MEI1: variants seen among roughly 807,000 people sequenced by gnomAD.
The protein encoded by MEI1 is meiosis inhibitor protein 1.
In MEI1, 103 loss-of-function variants were observed where a neutral mutation model predicts 146.2. The observed-to-expected ratio is 0.70, with a 90% CI of 0.60 to 0.83. MEI1 has a LOEUF of 0.83. Among genes scored for constraint, MEI1 ranks in the 40% least tolerant of loss-of-function variants. The pLI is 0.00. For missense variants in MEI1, 1,529 were observed against 1,533.0 expected (o/e 1.00, Z 0.04); for synonymous variants, 652 against 628.2 (o/e 1.04, Z -0.57).
intron 30 of MEI1, among the ~76,000 whole-genome samples, chr22:41,798,112 G>GC (rs2076425613): frequency 2.2e-5 from 3 of 135,978 alleles, no homozygotes; most frequent in Admixed American, 7.1e-5. Flanking sequence ...GTGATCCTCA[G>GC]CCCAACACAC....
rs201371126 is a variant in MEI1 at position 41,718,108 on chromosome 22, C to G, written c.567C>G (p.Tyr189Ter). The G allele has an allele frequency of 6.2e-7, 1 of 1,613,198 alleles. No individual in the cohort carries two copies. The highest frequency in any genetic ancestry group is 1.3e-5 in the African/African-American group (1 of 75,014). Residue 189 changes from tyrosine to a stop codon, truncating the protein, a stop_gained, in exon 6 of 31, where the codon TAC becomes TAG. Coordinates refer to ENST00000401548, the MANE Select transcript of MEI1 (RefSeq NM_152513.4). LOFTEE classifies it high-confidence loss of function. The stretch of plus-strand genomic sequence containing the variant: ...AGCATCTGTTGAGAGGCTTAGTATA[C>G]CCCAGTGAGGGCATACAAGCTTCTG... ...LMEHLLRGLV[Y>*]PSEGIQASVC...
rs770227541 is a variant in MEI1, at chr22:41,730,585, G to T, written c.1044G>T (p.Leu348Phe). Residue 348 changes from leucine to phenylalanine, a missense_variant, in exon 9 of 31, where the codon TTG becomes TTT. Physicochemically the swap from Leu to Phe is conservative, Grantham distance 22. Coordinates refer to ENST00000401548, the MANE Select transcript of MEI1 (RefSeq NM_152513.4). ...TCGTCTGGTCCAGCTGTAACTGCTT[G>T]ACACTCCTGGTAGAAGAGCCACTCT... ...EVLVWSSCNCLTLLVEEPLFF... is the reference protein window; with the variant it reads ...EVLVWSSCNCFTLLVEEPLFF... The T allele has an allele frequency of 3.1e-6, 5 of 1,613,864 alleles. No individual in the cohort carries two copies. The highest frequency in any genetic ancestry group is 1.1e-5 in the South Asian group (1 of 91,074).
At chr22:41,741,485 CTG>C (rs1439450904) in intron 11 of MEI1, among the ~76,000 whole-genome samples, 2 of 152,216 alleles carry the variant, frequency 1.3e-5, no homozygotes, top group Admixed American at 1.3e-4. Flanking sequence ...TAGTCAATGA[CTG>C]TTGGCTCTTC....
rs59421678 is a variant in MEI1, at chr22:41,707,028, C to CA, written c.349+1499dup. Reference sequence around the variant, plus strand: ...CAACATGGTGAAACCCCATCTCTACCAAAAAAAAAAAAAAAAAAAAAAAAA... The same window carrying CA: ...CAACATGGTGAAACCCCATCTCTACCAAAAAAAAAAAAAAAAAAAAAAAAAA... On this transcript the variant is annotated intron_variant, in intron 3 of 30. Coordinates refer to ENST00000401548, the MANE Select transcript of MEI1 (RefSeq NM_152513.4). 8.4e-3 allele frequency among the ~76,000 whole-genome samples: 1,093 copies of CA among 130,696 alleles called. 10 individuals are homozygous for CA. The highest frequency in any genetic ancestry group is 0.025 in the African/African-American group (808 of 31,938). The allele number at this position is 130,696 out of a possible 152,430, so 85.7% of individuals were successfully genotyped here. A position where few individuals can be genotyped will look rare whatever the true frequency, so the allele number is the denominator to read the frequency against.
intron 11 of MEI1, 51 bp downstream of exon 11, chr22:41,732,654 C>T: frequency 1.3e-6 from 2 of 1,570,098 alleles, no homozygotes; most frequent in Non-Finnish European, 1.7e-6. Flanking sequence ...TACCTAAGGG[C>T]CTGTTGAGGC....
chr22:41,730,396 G>A, intron 8 of MEI1, 125 bp from the exon 9 acceptor site: 1 of 647,852 alleles, frequency 1.5e-6, no homozygotes, highest in Non-Finnish European at 2.8e-6. Flanking sequence ...GACTCATGGA[G>A]AGGATATGTG....
At chr22:41,792,148 C>T (rs9619995) in intron 26 of MEI1, among the ~76,000 whole-genome samples, 5,287 of 152,192 alleles carry the variant, frequency 0.035, 300 homozygotes, top group African/African-American at 0.12. Flanking sequence ...AATTATATCT[C>T]GATAAAACTA....
At position 41,770,756 on chromosome 22, in the gene MEI1, C is replaced by T. The variant is rs777057145; in HGVS notation, c.2339C>T (p.Pro780Leu). 8.7e-6 allele frequency: 14 copies of T among 1,613,796 alleles called. No homozygotes were observed. Among genetic ancestry groups the T allele is most frequent in the African/African-American group, 5.3e-5 (4 of 74,902 alleles). The part of the protein sequence containing the change: ...PDLQLVYTHH[P>L]LLLRFFLLYP... ...CTGCAGCTAGTCTATACTCACCATC[C>T]GCTCCTGCTCAGGTTCTTTCTGTTG... The change falls in exon 20 of 31, where the codon CCG becomes CTG. Residue 780 changes from proline to leucine, a missense_variant. Coordinates refer to ENST00000401548, the MANE Select transcript of MEI1 (RefSeq NM_152513.4).
intron 14 of MEI1, among the ~76,000 whole-genome samples, chr22:41,747,049 T>A (rs1190240557): frequency 9.4e-5 from 14 of 149,356 alleles, no homozygotes; most frequent in Admixed American, 7.3e-4. Context: ...ATATTACTTT[T>A]ATAATAATAA....
intron 2 of MEI1, among the ~76,000 whole-genome samples, chr22:41,704,060 C>T (rs375570916): frequency 6.6e-6 from 1 of 152,160 alleles, no homozygotes; most frequent in Admixed American, 6.5e-5. Context: ...GTCTGCTGAC[C>T]TAGGTATGAC....
intron 5 of MEI1, among the ~76,000 whole-genome samples, chr22:41,717,631 T>C (rs1262682289): frequency 6.6e-6 from 1 of 151,210 alleles, no homozygotes; most frequent in African/African-American, 2.4e-5. Context: ...TTTTTTTTTT[T>C]TTGAGTTGGA....
At position 41,703,364 on chromosome 22, in the gene MEI1, C is replaced by T. The variant is rs2068853992; in HGVS notation, c.208C>T (p.Gln70Ter). Residue 70 changes from glutamine (Q) to a stop codon, truncating the protein, a stop_gained, in exon 2 of 31, where the codon CAA (glutamine) becomes TAA (stop). Coordinates refer to ENST00000401548, the MANE Select transcript of MEI1 (RefSeq NM_152513.4). LOFTEE classifies it high-confidence loss of function. ...VRKKHMLSCF[Q>*]DALVRHTSLV... is the part of the protein sequence containing the mutation. ...CAAGAAGCACATGTTGTCCTGCTTC[C>T]AAGATGCCCTTGTGAGGCATACCTC... 8.1e-6 allele frequency: 13 copies of T among 1,612,534 alleles called. No homozygotes were observed. The highest frequency in any genetic ancestry group is 8.5e-6 in the Non-Finnish European group (10 of 1,179,350).
At chr22:41,780,903 T>G (rs1043960564) in intron 22 of MEI1, among the ~76,000 whole-genome samples, 4 of 152,318 alleles carry the variant, frequency 2.6e-5, no homozygotes, top group Admixed American at 2.6e-4. Flanking sequence ...TCTTGATTGC[T>G]GACGGGGACA....
intron 6 of MEI1, among the ~76,000 whole-genome samples, chr22:41,723,251 C>T (rs1279720079): frequency 6.6e-6 from 1 of 151,434 alleles, no homozygotes; most frequent in Admixed American, 6.6e-5. Context: ...TTCACTCTGT[C>T]ACCCAGGGTG....
At chr22:41,787,286 G>A (rs565076376) in intron 26 of MEI1, among the ~76,000 whole-genome samples, 3 of 152,240 alleles carry the variant, frequency 2.0e-5, no homozygotes, top group South Asian at 4.1e-4. Context: ...GAACAGAATG[G>A]GCTTTTTTTT....
intron 19 of MEI1, among the ~76,000 whole-genome samples, chr22:41,766,228 C>T (rs2074847476): frequency 1.3e-5 from 2 of 150,478 alleles, no homozygotes; most frequent in South Asian, 4.2e-4. Context: ...AGCTGGAGTG[C>T]AGTGGCGCGA....
chr22:41,752,928 C>A (rs556520298), intron 16 of MEI1, among the ~76,000 whole-genome samples: 12 of 152,226 alleles, frequency 7.9e-5, no homozygotes, highest in African/African-American at 2.9e-4. Context: ...TGGCTGTAAT[C>A]CCAGCACTTT....
chr22:41,719,587 A>T (rs181681594), intron 6 of MEI1, among the ~76,000 whole-genome samples: 1 of 151,956 alleles, frequency 6.6e-6, no homozygotes, highest in East Asian at 1.9e-4. Flanking sequence ...CAAACCCCAA[A>T]CTCATGACCC....
chr22:41,788,680 A>G (rs1380932832), intron 26 of MEI1, among the ~76,000 whole-genome samples: 9 of 152,034 alleles, frequency 5.9e-5, no homozygotes, highest in Admixed American at 5.9e-4. Context: ...ACCTTAGGTG[A>G]TCTGCCCACC....
Sources: gnomAD v4.1 joint callset for allele counts (sites outside exome capture counted in the v4.1 genomes callset) on GRCh38, gnomAD v4.1.1 for gene constraint, MANE v1.5 for transcripts, NCBI Gene and HGNC (gene_info 2026-07-23, HGNC 2026-07-21) for gene names.